The following CEMIP2 variants were observed in gnomAD, a reference collection of about 807,000 sequenced individuals.
The protein encoded by CEMIP2 is cell surface hyaluronidase CEMIP2.
In CEMIP2, 79 loss-of-function variants were observed where a neutral mutation model predicts 146.9. The ratio of observed to expected loss-of-function variants is 0.54; its 90% CI spans 0.45 to 0.65. The LOEUF (loss-of-function observed/expected upper bound fraction) is 0.65. CEMIP2 is among the 30% of genes least tolerant of loss of function. The pLI is 0.00. For missense variants in CEMIP2, 1,596 were observed against 1,696.2 expected (o/e 0.94, Z 1.04); for synonymous variants, 601 against 606.3 (o/e 0.99, Z 0.13).
chr9:71,715,200 G>C, intron 14 of CEMIP2, 111 bp from the exon 15 acceptor site: 2 of 973,842 alleles, frequency 2.1e-6, no homozygotes, highest in Non-Finnish European at 1.4e-6. Context: ...GAAGTCAATA[G>C]CTTTTCTAAT....
chr9:71,756,525 CACACACACAA>C (rs1824464792), intron 1 of CEMIP2, among the ~76,000 whole-genome samples: 3 of 151,532 alleles, frequency 2.0e-5, no homozygotes, highest in Admixed American at 2.0e-4. Context: ...CACACACACA[CACACACACAA>C]ACACACACAC....
chr9:71,686,280 G>C (rs1046023821), intron 22 of CEMIP2: 2 of 165,564 alleles, frequency 1.2e-5, no homozygotes, highest in African/African-American at 4.8e-5. Flanking sequence ...CATAGGAGCA[G>C]AACCCTATTG....
Position 71,703,026 on chromosome 9 carries a change from T to C in CEMIP2, c.3194+1569A>G, listed in dbSNP as rs889770131. ...CTCTGACAATTGTTTGTTTCTTTCA[T>C]TGACTTCTCTGCAACTCACTGATGA... On this transcript the variant is annotated intron_variant, in intron 18 of 23. Transcript: ENST00000377044. Among the ~76,000 whole-genome samples, 11 of 152,346 alleles carry C rather than the reference T, an allele frequency of 7.2e-5. 1 individual carries two copies. Among genetic ancestry groups the C allele is most frequent in the East Asian group, 3.9e-4 (2 of 5,188 alleles).
At chr9:71,737,661 G>C (rs560766270) in intron 5 of CEMIP2, among the ~76,000 whole-genome samples, 1 of 152,180 alleles carries the variant, frequency 6.6e-6, no homozygotes, top group South Asian at 2.1e-4. Context: ...ATGAGTCACC[G>C]TACCCGGCTC....
chr9:71,689,799 A>C (rs1203852898), intron 22 of CEMIP2, among the ~76,000 whole-genome samples: 1 of 152,212 alleles, frequency 6.6e-6, no homozygotes, highest in Non-Finnish European at 1.5e-5. Context: ...AAATAAAATA[A>C]AAAGTGGGAT....
intron 18 of CEMIP2, chr9:71,704,377 CTT>C: frequency 1.7e-6 from 1 of 574,400 alleles, no homozygotes; most frequent in Non-Finnish European, 3.1e-6. Context: ...TGCATAATAA[CTT>C]GACCACAGAG....
intron 1 of CEMIP2, among the ~76,000 whole-genome samples, chr9:71,756,329 G>A (rs896776260): frequency 3.3e-5 from 5 of 150,624 alleles, no homozygotes; most frequent in Admixed American, 3.3e-4. Flanking sequence ...GTGTGTATGT[G>A]TGTGTGTATA....
In CEMIP2 at chr9:71,728,246, TATATGTATATAC is replaced by T. The variant is rs1209833457; in HGVS notation, c.2049+1587_2049+1598del. On this transcript the variant is annotated intron_variant, in intron 10 of 23. Transcript: ENST00000377044. Reference sequence around the variant, plus strand: ...CTCTCTCTCTCTATATATATATATATATATGTATATACACGTATATATATATATATATATGTA... The same window carrying T: ...CTCTCTCTCTCTATATATATATATATACGTATATATATATATATATATGTA... Among the ~76,000 whole-genome samples, 245 of 42,934 alleles carry T rather than the reference TATATGTATATAC, an allele frequency of 5.7e-3. 23 individuals are homozygous for T. Among genetic ancestry groups the T allele is most frequent in the South Asian group, 0.02 (20 of 980 alleles). 28.2% of individuals were successfully genotyped at this position (42,934 alleles called of 152,430 possible). A position where few individuals can be genotyped will look rare whatever the true frequency, so the allele number is the denominator to read the frequency against.
At chr9:71,703,201 T>C (rs1040182508) in intron 18 of CEMIP2, among the ~76,000 whole-genome samples, 2 of 151,980 alleles carry the variant, frequency 1.3e-5, no homozygotes, top group African/African-American at 4.8e-5. Context: ...TAGAAAGAAG[T>C]GGACAGATTT....
At chr9:71,701,951 A>C (rs763185663) in intron 18 of CEMIP2, among the ~76,000 whole-genome samples, 1 of 152,194 alleles carries the variant, frequency 6.6e-6, no homozygotes, top group East Asian at 1.9e-4. Context: ...AATAATATGT[A>C]ACAAGGCCTT....
chr9:71,699,874 G>T (rs1479898747), intron 19 of CEMIP2, among the ~76,000 whole-genome samples: 1 of 152,186 alleles, frequency 6.6e-6, no homozygotes, highest in African/African-American at 2.4e-5. Flanking sequence ...AAGCCACATT[G>T]AATATAGAAC....
At chr9:71,706,825 T>TTTATTA (rs150394190) in intron 17 of CEMIP2, among the ~76,000 whole-genome samples, 1 of 151,456 alleles carries the variant, frequency 6.6e-6, no homozygotes, top group Non-Finnish European at 1.5e-5. Flanking sequence ...TATTTATTTA[T>TTTATTA]TTATTATTAT....
At chr9:71,716,001 A>G (rs1362581762) in intron 14 of CEMIP2, among the ~76,000 whole-genome samples, 3 of 152,166 alleles carry the variant, frequency 2.0e-5, no homozygotes, top group Admixed American at 6.5e-5. Flanking sequence ...TGATTGCTCT[A>G]GTCTCAAGCA....
chr9:71,718,040 A>C lies in CEMIP2; in HGVS notation c.2307T>G (p.Arg769=), dbSNP rs577846943. 1.2e-6 allele frequency: 2 copies of C among 1,612,996 alleles called. No homozygotes were observed. Among genetic ancestry groups the C allele is most frequent in the African/African-American group, 2.7e-5 (2 of 75,002 alleles). Reference sequence around the variant, plus strand: ...TGAGCCTGTCAATTAGAGCAGCAACACGTGGTTTTTCGGGGTTTGCATCCT... The same window carrying C: ...TGAGCCTGTCAATTAGAGCAGCAACCCGTGGTTTTTCGGGGTTTGCATCCT... ...PHQDANPEKP[R]VAALIDRLIA... Residue 769 remains arginine, a synonymous_variant, in exon 13 of 24, where the codon CGT becomes CGG. Coordinates refer to ENST00000377044, the MANE Select transcript of CEMIP2 (RefSeq NM_013390.3).
At chr9:71,716,440 T>C in intron 14 of CEMIP2, 77 bp downstream of exon 14, 6 of 1,183,840 alleles carry the variant, frequency 5.1e-6, no homozygotes, top group South Asian at 2.8e-5. Flanking sequence ...AAAACATTCC[T>C]GTGTATTATC....
chr9:71,735,290 C>T lies in CEMIP2; in HGVS notation c.1205-296G>A, dbSNP rs554724092. On this transcript the variant is annotated intron_variant, in intron 5 of 23. Transcript: ENST00000377044. ...TATACTTTTGAAGAAGGCTCTAGAT[C>T]CCCAAATCTCTTGCTATATTTAACT... 3.3e-5 allele frequency among the ~76,000 whole-genome samples: 5 copies of T among 152,080 alleles called. No individual in the cohort carries two copies. The South Asian group carries it at 1.0e-3, about 32-fold the overall frequency.
chr9:71,702,131 G>GC (rs1822578451), intron 18 of CEMIP2, among the ~76,000 whole-genome samples: 1 of 151,922 alleles, frequency 6.6e-6, no homozygotes, highest in African/African-American at 2.4e-5. Flanking sequence ...GGTGGCATAC[G>GC]CCTGTAGTCC....
At chr9:71,722,647 G>T in intron 11 of CEMIP2, 132 bp from the exon 12 acceptor site, 5 of 532,718 alleles carry the variant, frequency 9.4e-6, no homozygotes, top group South Asian at 2.6e-5. Context: ...CAACAGCAAA[G>T]GTACTGTAAA....
At chr9:71,751,445 A>G (rs1053953413) in intron 1 of CEMIP2, among the ~76,000 whole-genome samples, 5 of 152,078 alleles carry the variant, frequency 3.3e-5, no homozygotes, top group African/African-American at 9.7e-5. Flanking sequence ...AAACAATTCA[A>G]TCAGGATTGC....
Sources: gnomAD v4.1 joint callset for allele counts (sites outside exome capture counted in the v4.1 genomes callset) on GRCh38, gnomAD v4.1.1 for gene constraint, MANE v1.5 for transcripts, NCBI Gene and HGNC (gene_info 2026-07-23, HGNC 2026-07-21) for gene names.